Variants in SLC3A2 observed in about 807,000 individuals in gnomAD.
SLC3A2 encodes the protein solute carrier family 3 member 2.
Under a neutral mutation model 48.5 loss-of-function variants are expected in SLC3A2, and 32 were observed. That is an observed-to-expected ratio of 0.66 (90% confidence interval 0.50 to 0.89). SLC3A2 has a LOEUF of 0.89. SLC3A2 is among the 40% of genes least tolerant of loss of function. The pLI is 0.00. For missense variants in SLC3A2, 587 were observed against 680.7 expected, an observed-to-expected ratio of 0.86 and a Z score of 1.53; for synonymous variants, 277 against 288.8, an observed-to-expected ratio of 0.96 and a Z score of 0.41.
At chr11:62,860,040 C>T (rs145426297) in intron 1 of SLC3A2, among the ~76,000 whole-genome samples, 360 of 152,254 alleles carry the variant, frequency 2.4e-3, no homozygotes, top group Non-Finnish European at 4.4e-3. Context: ...ACCATCTCAG[C>T]CAGAGGGATG....
In SLC3A2 at chr11:62,881,500, G is replaced by A. The variant is rs1471746690; in HGVS notation, c.424+53G>A. On this transcript the variant is annotated intron_variant, in intron 1 of 8. Transcript: ENST00000338663. This position sits in a 1 kb window ranked among gnomAD's most constrained non-coding sequence, Gnocchi z 4.0. ...TACCTCCGGTTGAATCTGGTGGCTT[G>A]CACCGACCCCCTCCCCTGTCCCCAG... 1.3e-5 allele frequency: 20 copies of A among 1,506,268 alleles called. No individual in the cohort carries two copies. The highest frequency in any genetic ancestry group is 9.0e-5 in the South Asian group (7 of 77,822). 93.3% of individuals were successfully genotyped at this position (1,506,268 alleles called of 1,614,324 possible). A position where few individuals can be genotyped will look rare whatever the true frequency, so the allele number is the denominator to read the frequency against.
At chr11:62,865,652 T>G (rs969260626) in intron 1 of SLC3A2, among the ~76,000 whole-genome samples, 14 of 151,446 alleles carry the variant, frequency 9.2e-5, no homozygotes, top group African/African-American at 3.4e-4. Context: ...CTTAGCTGCC[T>G]CTTCCTCCTC....
upstream of SLC3A2, among the ~76,000 whole-genome samples, chr11:62,876,068 T>C (rs890391088): frequency 1.3e-5 from 2 of 152,224 alleles, no homozygotes; most frequent in African/African-American, 4.8e-5. Flanking sequence ...TCTCCCTATG[T>C]TGCCGAGGCT....
chr11:62,866,264 C>A (rs187908471), intron 1 of SLC3A2, among the ~76,000 whole-genome samples: 2 of 148,324 alleles, frequency 1.3e-5, no homozygotes, highest in Admixed American at 1.3e-4. Flanking sequence ...ATTACAGGTG[C>A]CTGCCGCCAT....
Position 62,873,589 on chromosome 11 carries a change from AGT to A in SLC3A2, c.113-7428_113-7427del, listed in dbSNP as rs1301366651. Among the ~76,000 whole-genome samples, 3 of 152,074 alleles carry A rather than the reference AGT, an allele frequency of 2.0e-5. No homozygotes were observed. In the East Asian group the frequency reaches 5.8e-4, roughly 29 times the overall value. On this transcript the variant is annotated intron_variant, in intron 1 of 9. Transcript: ENST00000377889. ...TAATCCTCCTACCTTGGCCTTGCAA[AGT>A]GCTGGGAGTACTAGGTGTGAGCCAC...
rs1204878848 is a variant in SLC3A2 at position 62,885,272 on chromosome 11, C to T, written c.914C>T (p.Ser305Phe). ...TTGCTGTTGACTAGCTCATACCTGT[C>T]TGATTCTGGTTCTACTGGGGAGCAT... Reference protein sequence around the residue: ...KDLLLTSSYLSDSGSTGEHTK... With the variant: ...KDLLLTSSYLFDSGSTGEHTK... Residue 305 changes from serine to phenylalanine, a missense_variant, in exon 6 of 9, where the codon TCT (serine) becomes TTT (phenylalanine). Ser to Phe is a radical substitution (Grantham distance 155). Transcript: ENST00000338663. 6.2e-7 allele frequency: 1 copy of T among 1,614,106 alleles called. No individual in the cohort carries two copies.
At position 62,881,271 on chromosome 11, in the gene SLC3A2, C is replaced by T. The variant is rs762972242; in HGVS notation, c.248C>T (p.Ala83Val). The T allele has an allele frequency of 6.3e-6, 10 of 1,588,204 alleles. No individual in the cohort carries two copies. The highest frequency in any genetic ancestry group is 1.8e-5 in the Admixed American group (1 of 54,976). The change falls in exon 1 of 9, where the codon GCA becomes GTA. Residue 83 changes from alanine (A) to valine (V), a missense_variant. Ala to Val is a moderately conservative substitution (Grantham distance 64). Transcript: ENST00000338663. This position sits in a 1 kb window ranked among gnomAD's most constrained non-coding sequence, Gnocchi z 4.0. ...GSPGWVRTRW[A>V]LLLLFWLGWL... The stretch of plus-strand genomic sequence containing the variant: ...CCCGGCTGGGTACGCACCCGCTGGG[C>T]ACTGCTGCTGCTCTTCTGGCTCGGC...
At chr11:62,857,322 A>G (rs1184462851) in intron 1 of SLC3A2, among the ~76,000 whole-genome samples, 1 of 150,892 alleles carries the variant, frequency 6.6e-6, no homozygotes, top group Non-Finnish European at 1.5e-5. Flanking sequence ...ACGGGGTTTC[A>G]TCATGTTGGC....
chr11:62,884,885 G>A (rs2085689267), intron 5 of SLC3A2, among the ~76,000 whole-genome samples, 195 bp downstream of exon 5: 1 of 130,514 alleles, frequency 7.7e-6, no homozygotes, highest in Non-Finnish European at 1.6e-5. Context: ...AGGCTGGGGT[G>A]CGATGGCGTG....
chr11:62,884,295 G>A, intron 3 of SLC3A2, 162 bp from the exon 4 acceptor site: 1 of 690,152 alleles, frequency 1.4e-6, no homozygotes, highest in Non-Finnish European at 2.5e-6. Context: ...GGGGTCCAAA[G>A]GCTAAGCCTT....
At chr11:62,868,072 C>T (rs540955427) in intron 1 of SLC3A2, among the ~76,000 whole-genome samples, 67 of 152,040 alleles carry the variant, frequency 4.4e-4, no homozygotes, top group African/African-American at 1.5e-3. Context: ...CAGCCTCCTG[C>T]CACCATGCCC....
chr11:62,879,217 G>A (rs569887655), upstream of SLC3A2, among the ~76,000 whole-genome samples: 13 of 152,122 alleles, frequency 8.5e-5, no homozygotes, highest in South Asian at 2.7e-3. Context: ...GGATTAGTAG[G>A]TGGGATTACA....
At chr11:62,887,925 T>G in intron 7 of SLC3A2, 1 of 476,308 alleles carries the variant, frequency 2.1e-6, no homozygotes, top group East Asian at 3.7e-5. Context: ...CCCCAGTATC[T>G]GGGACTATAG....
intron 1 of SLC3A2, among the ~76,000 whole-genome samples, chr11:62,873,106 C>T (rs2085534199): frequency 6.6e-6 from 1 of 151,812 alleles, no homozygotes; most frequent in Non-Finnish European, 1.5e-5. Context: ...ACTGCACCCT[C>T]AACTTCCCAG....
At chr11:62,888,028 T>G in intron 7 of SLC3A2, 107 bp from the exon 8 acceptor site, 1 of 971,050 alleles carries the variant, frequency 1.0e-6, no homozygotes, top group Admixed American at 2.0e-5. Flanking sequence ...ATGCCTGGGC[T>G]CAAGCAATCC....
chr11:62,862,282 T>C (rs971226157), intron 1 of SLC3A2, among the ~76,000 whole-genome samples: 1 of 127,662 alleles, frequency 7.8e-6, no homozygotes. Flanking sequence ...AACGATGAGC[T>C]GAGATCACGC....
At chr11:62,860,374 G>T (rs372603317) in intron 1 of SLC3A2, among the ~76,000 whole-genome samples, 1 of 151,364 alleles carries the variant, frequency 6.6e-6, no homozygotes, top group Non-Finnish European at 1.5e-5. Flanking sequence ...GTGTGATGGC[G>T]TGCGCCTGTA....
At chr11:62,882,875 G>A in intron 2 of SLC3A2, 33 bp from the exon 3 acceptor site, 1 of 1,519,310 alleles carries the variant, frequency 6.6e-7, no homozygotes, top group Non-Finnish European at 9.1e-7. Context: ...CTCATAGACT[G>A]TCTCATGATT....
chr11:62,856,378 T>C (rs780301867), exon 1 of SLC3A2: 1 of 1,607,132 alleles, frequency 6.2e-7, no homozygotes, highest in Admixed American at 1.7e-5. Flanking sequence ...GGGGGACGAC[T>C]CAGGTACTGG....
Sources: allele counts gnomAD v4.1 joint callset (sites outside exome capture counted in the v4.1 genomes callset), GRCh38; gene constraint gnomAD v4.1.1; non-coding constraint Gnocchi (gnomAD v3.1); transcripts MANE v1.5; gene names NCBI Gene and HGNC (gene_info 2026-07-23, HGNC 2026-07-21).